VWA3A: variants seen among roughly 807,000 people sequenced by gnomAD.
The protein encoded by VWA3A is von Willebrand factor A domain-containing protein 3A.
In VWA3A, 134 loss-of-function variants were observed where a neutral mutation model predicts 160.4. The observed-to-expected ratio is 0.84, with a 90% CI of 0.73 to 0.96. VWA3A has a LOEUF of 0.96. Ranked by LOEUF, VWA3A falls within the 40% of genes least tolerant of loss-of-function variation. VWA3A has a pLI of 0.00. For missense variants in VWA3A, 1,310 were observed against 1,447.9 expected, an observed-to-expected ratio of 0.90 and a Z score of 1.55; for synonymous variants, 476 against 543.4, an observed-to-expected ratio of 0.88 and a Z score of 1.72.
At chr16:22,141,909 A>T (rs1201813027) in intron 24 of VWA3A, among the ~76,000 whole-genome samples, 1 of 152,210 alleles carries the variant, frequency 6.6e-6, no homozygotes, top group Non-Finnish European at 1.5e-5. Context: ...TCAATATTGA[A>T]GATGAGACCT....
chr16:22,129,574 A>T (rs2045913188), intron 17 of VWA3A, among the ~76,000 whole-genome samples: 1 of 152,070 alleles, frequency 6.6e-6, no homozygotes, highest in African/African-American at 2.4e-5. Context: ...CGAGTCTGAG[A>T]CACTCAAGAG....
At chr16:22,128,088 C>G (rs1420252313) in intron 17 of VWA3A, among the ~76,000 whole-genome samples, 3 of 152,110 alleles carry the variant, frequency 2.0e-5, no homozygotes, top group African/African-American at 7.2e-5. Context: ...TAGGGACCAT[C>G]AGGTAGTTCA....
chr16:22,125,133 T>G (rs1466424071), intron 16 of VWA3A, among the ~76,000 whole-genome samples: 4 of 151,726 alleles, frequency 2.6e-5, no homozygotes, highest in Non-Finnish European at 5.9e-5. Flanking sequence ...TTTCCAGTAC[T>G]TTGAGAGGCC....
intron 11 of VWA3A, 21 bp downstream of exon 11, chr16:22,117,197 A>G (rs1164777642): frequency 3.2e-6 from 5 of 1,567,562 alleles, no homozygotes; most frequent in African/African-American, 1.4e-5. Flanking sequence ...CTGTCAACAC[A>G]TGGCCCCTCT....
In VWA3A at chr16:22,146,232, C is replaced by G. The variant is rs774487617; in HGVS notation, c.2731-4C>G. On this transcript the variant is annotated splice_polypyrimidine_tract_variant and splice_region_variant and intron_variant, in intron 26 of 33. Transcript: ENST00000389398. ...GGTGCTTGCCTCTGCTTGCCTTAAC[C>G]CAGGGAGTGGTGAGACACATCCAGT... 1.9e-5 allele frequency: 30 copies of G among 1,612,276 alleles called. No individual in the cohort carries two copies. The Admixed American group carries it at 4.8e-4, about 26-fold the overall frequency.
At chr16:22,093,723 A>G (rs2141814951) in intron 1 of VWA3A, among the ~76,000 whole-genome samples, 1 of 152,224 alleles carries the variant, frequency 6.6e-6, no homozygotes, top group South Asian at 2.1e-4. Context: ...TGTTATCCCC[A>G]TTCCATTCTA....
chr16:22,101,064 T>C (rs1232723829), intron 5 of VWA3A, among the ~76,000 whole-genome samples: 4 of 151,534 alleles, frequency 2.6e-5, no homozygotes, highest in Admixed American at 1.3e-4. Context: ...AATAGAAAGG[T>C]TGGACCAGAT....
chr16:22,094,122 C>T (rs1488253467), intron 1 of VWA3A, among the ~76,000 whole-genome samples: 1 of 151,980 alleles, frequency 6.6e-6, no homozygotes, highest in African/African-American at 2.4e-5. Flanking sequence ...TTATGCAGTT[C>T]AACCCCTTCT....
chr16:22,100,301 C>A lies in VWA3A; in HGVS notation c.333C>A (p.Ser111Arg). The A allele has an allele frequency of 2.6e-6, 4 of 1,551,556 alleles. No individual in the cohort carries two copies. The highest frequency in any genetic ancestry group is 3.5e-6 in the Non-Finnish European group (4 of 1,146,970). Residue 111 changes from serine to arginine, a missense_variant, in exon 4 of 34, where the codon AGC (serine) becomes AGA (arginine). By Grantham distance (110) the Ser-to-Arg change is moderately radical (BLOSUM62 -1). Coordinates refer to ENST00000389398, the MANE Select transcript of VWA3A (RefSeq NM_173615.5). Reference sequence around the variant, plus strand: ...AACTCACCTTGGCTGACCTGATAAGCCAGGGCACAGAAGTGCTGTAAGTCT... The same window carrying A: ...AACTCACCTTGGCTGACCTGATAAGACAGGGCACAGAAGTGCTGTAAGTCT... Reference protein sequence around the residue: ...CQKLTLADLISQGTEVLEEGT... With the variant: ...CQKLTLADLIRQGTEVLEEGT...
rs773493460 is a variant in VWA3A at position 22,146,321 on chromosome 16, A to G, written c.2816A>G (p.Gln939Arg). The G allele has an allele frequency of 4.3e-6, 7 of 1,613,312 alleles. No individual in the cohort carries two copies. The East Asian group carries it at 1.6e-4, about 36-fold the overall frequency. ...GAGAAGGTGTTAAGGCGCTATGTCC[A>G]GAGGCTGCAGTGGCTGCTGTCCGGT... ...HLEKVLRRYV[Q>R]RLQWLLSGSR... Residue 939 changes from glutamine (Q) to arginine (R), a missense_variant, in exon 27 of 34, where the codon CAG becomes CGG. Coordinates refer to ENST00000389398, the MANE Select transcript of VWA3A (RefSeq NM_173615.5).
chr16:22,152,383 G>A lies in VWA3A; in HGVS notation c.3282-128G>A, dbSNP rs534342603. On this transcript the variant is annotated intron_variant, in intron 30 of 33. Coordinates refer to ENST00000389398, the MANE Select transcript of VWA3A (RefSeq NM_173615.5). ...TCTAATGGTGGTCTCCATGGGACAA[G>A]CCACGGCCCATTGCCAGGCTGATTT... The A allele has an allele frequency of 6.9e-5, 87 of 1,266,428 alleles. No individual in the cohort carries two copies. The African/African-American group carries it at 1.2e-3, about 17-fold the overall frequency. The allele number at this position is 1,266,428 out of a possible 1,614,324, so 78.4% of individuals were successfully genotyped here. A position where few individuals can be genotyped will look rare whatever the true frequency, so the allele number is the denominator to read the frequency against.
intron 6 of VWA3A, among the ~76,000 whole-genome samples, chr16:22,106,265 A>G (rs1037802796): frequency 3.9e-5 from 6 of 152,082 alleles, no homozygotes; most frequent in African/African-American, 1.4e-4. Context: ...GGCGCCTGTA[A>G]TCCCAGCTAC....
intron 6 of VWA3A, among the ~76,000 whole-genome samples, 195 bp from the exon 7 acceptor site, chr16:22,109,287 A>T (rs543200935): frequency 1.8e-4 from 27 of 152,346 alleles, no homozygotes; most frequent in Non-Finnish European, 5.9e-5. Context: ...GCTGCCACAA[A>T]ATAAGAGCAG....
In VWA3A at chr16:22,105,017, C is replaced by T. The variant is rs575066106; in HGVS notation, c.483+1488C>T. On this transcript the variant is annotated intron_variant, in intron 6 of 33. Coordinates refer to ENST00000389398, the MANE Select transcript of VWA3A (RefSeq NM_173615.5). ...AACATAGTGCTAAGCCTGCCTGTCCCGCCAATTCCAGGCTGTGGTCTTCAC... is the reference window on the plus strand; with the variant it reads ...AACATAGTGCTAAGCCTGCCTGTCCTGCCAATTCCAGGCTGTGGTCTTCAC... Among the ~76,000 whole-genome samples, 7 of 152,280 alleles carry T rather than the reference C, an allele frequency of 4.6e-5. No homozygotes were observed. The East Asian group carries it at 7.7e-4, about 17-fold the overall frequency.
intron 6 of VWA3A, among the ~76,000 whole-genome samples, chr16:22,108,656 T>C (rs1243240648): frequency 3.3e-5 from 5 of 152,018 alleles, no homozygotes; most frequent in South Asian, 2.1e-4. Context: ...TCCAGTAAAG[T>C]AGGATTTAAG....
chr16:22,131,122 C>T, intron 17 of VWA3A, 83 bp from the exon 18 acceptor site: 2 of 1,316,148 alleles, frequency 1.5e-6, no homozygotes, highest in Non-Finnish European at 2.2e-6. Flanking sequence ...TTTGTCCCCA[C>T]TAAAAGCCTG....
chr16:22,106,286 G>A (rs1330550599), intron 6 of VWA3A, among the ~76,000 whole-genome samples: 7 of 152,152 alleles, frequency 4.6e-5, no homozygotes. Context: ...TAGAGAGGCT[G>A]AAGCAGAAGA....
In VWA3A at chr16:22,126,194, G is replaced by A. The variant is rs769183872; in HGVS notation, c.1549G>A (p.Asp517Asn). ...VCEKRVVVLL[D>N]ISATNSMYII... is the part of the protein sequence containing the mutation. ...TCCTTTTAGGGTGGTTGTACTGCTC[G>A]ATATCTCTGCGACCAATTCCATGTA... Residue 517 changes from aspartate to asparagine, a missense_variant, in exon 17 of 34, where the codon GAT (aspartate) becomes AAT (asparagine). Physicochemically the swap from Asp to Asn is conservative, Grantham distance 23 (BLOSUM62 1). Transcript: ENST00000389398. 8.1e-6 allele frequency: 13 copies of A among 1,613,796 alleles called. No individual in the cohort carries two copies. The highest frequency in any genetic ancestry group is 3.3e-4 in the Middle Eastern group (2 of 6,062).
rs757907063 is a variant in VWA3A, at chr16:22,150,757, A to T, written c.3192A>T (p.Thr1064=). ...TCCTGACCGACGGAAAGCCAGACACAAGCTGCAGCCTTGTCCTAAATGAAG... is the reference window on the plus strand; with the variant it reads ...TCCTGACCGACGGAAAGCCAGACACTAGCTGCAGCCTTGTCCTAAATGAAG... ...LYLLTDGKPD[T]SCSLVLNEVQ... Residue 1064 remains threonine (T), a synonymous_variant, in exon 30 of 34, where the codon ACA becomes ACT. Transcript: ENST00000389398. The T allele has an allele frequency of 1.2e-6, 2 of 1,612,938 alleles. No homozygotes were observed. The highest frequency in any genetic ancestry group is 1.7e-6 in the Non-Finnish European group (2 of 1,179,492).
Sources: allele counts gnomAD v4.1 joint callset (sites outside exome capture counted in the v4.1 genomes callset), GRCh38; gene constraint gnomAD v4.1.1; transcripts MANE v1.5; gene names NCBI Gene and HGNC (gene_info 2026-07-23, HGNC 2026-07-21).